The following SPATA21 variants were observed in gnomAD, a reference collection of about 807,000 sequenced individuals.
The protein encoded by SPATA21 is spermatogenesis associated 21.
In SPATA21, 47 loss-of-function variants were observed where a neutral mutation model predicts 54.8. The observed-to-expected ratio is 0.86, with a 90% CI of 0.68 to 1.09. The LOEUF is 1.09. SPATA21 is among the 50% of genes least tolerant of loss of function. The pLI is 0.00. For synonymous variants in SPATA21, 245 were observed against 235.3 expected (o/e 1.04, Z -0.38); for missense variants, 599 against 596.4 (o/e 1.00, Z -0.05).
At chr1:16,423,352 G>T (rs1002817092) in intron 3 of SPATA21, among the ~76,000 whole-genome samples, 7 of 144,756 alleles carry the variant, frequency 4.8e-5, no homozygotes, top group African/African-American at 1.5e-4. Context: ...GGTGGAGGTT[G>T]CAGTGACCCA....
At chr1:16,403,917 C>T (rs2085540098) in intron 9 of SPATA21, 51 bp downstream of exon 9, 11 of 1,612,758 alleles carry the variant, frequency 6.8e-6, no homozygotes, top group East Asian at 2.2e-5. Context: ...CCGCAACCAA[C>T]CTCCCAGCCC....
At chr1:16,402,798 C>T (rs567232980) in intron 10 of SPATA21, among the ~76,000 whole-genome samples, 147 of 152,140 alleles carry the variant, frequency 9.7e-4, no homozygotes, top group African/African-American at 3.2e-3. Context: ...TGGTGGCACG[C>T]GCCTGTAATC....
In SPATA21 at chr1:16,421,327, G is replaced by GCA. The variant is rs111977798; in HGVS notation, c.144+180_144+181dup. Among the ~76,000 whole-genome samples the GCA allele has an allele frequency of 0.044, 6,698 of 151,266 alleles. 470 individuals carry two copies. Among genetic ancestry groups the GCA allele is most frequent in the African/African-American group, 0.15 (6,216 of 41,188 alleles). On this transcript the variant is annotated intron_variant, in intron 5 of 12. Transcript: ENST00000335496. The surrounding 1 kb of genome is among the most constrained non-coding windows in gnomAD (Gnocchi z 5.2). ...CACACATGCATACACACAGGCACAG[G>GCA]CACACACACACACGTGTGCACATCC...
intron 3 of SPATA21, chr1:16,422,172 G>T: frequency 2.8e-6 from 4 of 1,442,242 alleles, no homozygotes; most frequent in African/African-American, 1.4e-5. Context: ...CTGGTGACTG[G>T]GGGTGGATTG....
At position 16,427,674 on chromosome 1, in the gene SPATA21, T is replaced by C. The variant is rs144909280; in HGVS notation, c.34+3664A>G. 3.6e-3 allele frequency among the ~76,000 whole-genome samples: 544 copies of C among 152,210 alleles called. 1 individual carries two copies. Among genetic ancestry groups the C allele is most frequent in the African/African-American group, 0.012 (517 of 41,556 alleles). On this transcript the variant is annotated intron_variant, in intron 3 of 12. Coordinates refer to ENST00000335496, the MANE Select transcript of SPATA21 (RefSeq NM_198546.1). ...CACATAAAAGATGTTTGTGGTCTCG[T>C]TGGGGGAGTTCAGACAAAAGGTTAA...
At position 16,405,027 on chromosome 1, in the gene SPATA21, T is replaced by C; in HGVS notation, c.751A>G (p.Met251Val). The C allele has an allele frequency of 6.2e-7, 1 of 1,609,420 alleles. No individual in the cohort carries two copies. The highest frequency in any genetic ancestry group is 8.5e-7 in the Non-Finnish European group (1 of 1,178,612). Residue 251 changes from methionine (M) to valine (V), a missense_variant, in exon 8 of 13, where the codon ATG becomes GTG. Physicochemically the swap from Met to Val is conservative, Grantham distance 21. Coordinates refer to ENST00000335496, the MANE Select transcript of SPATA21 (RefSeq NM_198546.1). ...AQSLKNILLLMGFSVTLAQVE... is the reference protein window; with the variant it reads ...AQSLKNILLLVGFSVTLAQVE... Reference sequence around the variant, plus strand: ...TGGGCCAGCGTCACAGAGAAGCCCATTAGGAGCAGGATATTCTTCAGGCTC... The same window carrying C: ...TGGGCCAGCGTCACAGAGAAGCCCACTAGGAGCAGGATATTCTTCAGGCTC...
rs2086454277 is a variant in SPATA21, at chr1:16,431,394, C to T, written c.-23G>A. 1 of 1,613,594 alleles carries T rather than the reference C, an allele frequency of 6.2e-7. No individual in the cohort carries two copies. Among genetic ancestry groups the T allele is most frequent in the Admixed American group, 1.7e-5 (1 of 59,940 alleles). ...CATGATGCCAGCGCCAACACGGGTG[C>T]CAAGTGAGGGGCATCACCTAGTGTG... On this transcript the variant is annotated 5_prime_UTR_variant, in exon 3 of 13. It introduces an in-frame stop codon into an upstream open reading frame of the 5' UTR. Coordinates refer to ENST00000335496, the MANE Select transcript of SPATA21 (RefSeq NM_198546.1).
chr1:16,427,715 G>T, intron 3 of SPATA21: 2 of 791,238 alleles, frequency 2.5e-6, no homozygotes, highest in Non-Finnish European at 3.8e-6. Context: ...ACTCTTTAGT[G>T]CAACTGGTGC....
At chr1:16,420,421 G>A (rs2086137208) in intron 5 of SPATA21, among the ~76,000 whole-genome samples, 1 of 152,074 alleles carries the variant, frequency 6.6e-6, no homozygotes, top group Admixed American at 6.6e-5. Context: ...CTACTCAGGA[G>A]GCTGAGACTA....
chr1:16,398,078 C>T (rs538841622), downstream of SPATA21: 1,935 of 885,408 alleles, frequency 2.2e-3, 4 homozygotes, highest in Non-Finnish European at 2.5e-3. Context: ...CCCTGCACCG[C>T]GGGCTCCTGA....
chr1:16,423,134 G>C (rs1213089681), intron 3 of SPATA21, among the ~76,000 whole-genome samples: 1 of 151,672 alleles, frequency 6.6e-6, no homozygotes, highest in African/African-American at 2.4e-5. Context: ...TCCAGCCTGG[G>C]CGACAGAGTG....
chr1:16,422,082 T>A, intron 3 of SPATA21, 111 bp from the exon 4 acceptor site: 1 of 1,580,846 alleles, frequency 6.3e-7, no homozygotes, highest in Non-Finnish European at 8.6e-7. Context: ...GACACCTGCC[T>A]CCTTGGGGTG....
At chr1:16,433,142 G>A (rs1422681772) in intron 1 of SPATA21, among the ~76,000 whole-genome samples, 2 of 152,242 alleles carry the variant, frequency 1.3e-5, no homozygotes, top group African/African-American at 4.8e-5. Flanking sequence ...TAGGGACAAC[G>A]TCAGGCCTTA....
At chr1:16,431,968 G>A (rs2086468349) in intron 2 of SPATA21, among the ~76,000 whole-genome samples, 1 of 152,060 alleles carries the variant, frequency 6.6e-6, no homozygotes, top group South Asian at 2.1e-4. Context: ...TTCTTAGATG[G>A]GGCTAAGGAA....
At chr1:16,419,201 C>T (rs2086102739) in intron 5 of SPATA21, among the ~76,000 whole-genome samples, 1 of 152,218 alleles carries the variant, frequency 6.6e-6, no homozygotes, top group East Asian at 1.9e-4. Context: ...TCAAGAGAGC[C>T]GTAAGACTGT....
chr1:16,421,928 A>G lies in SPATA21; in HGVS notation c.78T>C (p.Pro26=), dbSNP rs2086184012. 6.2e-7 allele frequency: 1 copy of G among 1,614,170 alleles called. No homozygotes were observed. Among genetic ancestry groups the G allele is most frequent in the East Asian group, 2.2e-5 (1 of 44,878 alleles). The change falls in exon 4 of 13, where the codon CCT becomes CCC. Residue 26 remains proline, a synonymous_variant. Coordinates refer to ENST00000335496, the MANE Select transcript of SPATA21 (RefSeq NM_198546.1). The surrounding 1 kb of genome is among the most constrained non-coding windows in gnomAD (Gnocchi z 5.2). ...TGACTTACCCTCCTTTTGCTTTTTT[A>G]GGTCCAGGCGTGGATGGCAGGAAGG... ...VNPFLPSTPG[P]KKAKGGGEAV...
chr1:16,408,049 G>A (rs1306635434), intron 7 of SPATA21, among the ~76,000 whole-genome samples: 2 of 152,202 alleles, frequency 1.3e-5, no homozygotes, highest in East Asian at 1.9e-4. Context: ...TTATAGGCAT[G>A]AGCCACTGTG....
At chr1:16,404,840 C>G in intron 8 of SPATA21, 127 bp downstream of exon 8, 1 of 1,083,322 alleles carries the variant, frequency 9.2e-7, no homozygotes, top group Non-Finnish European at 1.2e-6. Flanking sequence ...CATTTCTAGA[C>G]TGTGACAGTA....
intron 3 of SPATA21, among the ~76,000 whole-genome samples, chr1:16,429,170 T>TC (rs2100894462): frequency 6.6e-6 from 1 of 152,130 alleles, no homozygotes; most frequent in South Asian, 2.1e-4. Flanking sequence ...GCTTTTTTTT[T>TC]CTTTTCCTTT....
Sources: allele counts gnomAD v4.1 joint callset (sites outside exome capture counted in the v4.1 genomes callset), GRCh38; gene constraint gnomAD v4.1.1; non-coding constraint Gnocchi (gnomAD v3.1); transcripts MANE v1.5; gene names NCBI Gene and HGNC (gene_info 2026-07-23, HGNC 2026-07-21).